SUCLG2: variants seen among roughly 807,000 people sequenced by gnomAD.
SUCLG2 encodes succinate-CoA ligase GDP-forming subunit beta, also known as succinate--CoA ligase [GDP-forming] subunit beta, mitochondrial.
Under a neutral mutation model 47.9 loss-of-function variants are expected in SUCLG2, and 42 were observed. The observed-to-expected ratio is 0.88, with a 90% CI of 0.69 to 1.14. The LOEUF is 1.14. Ranked by LOEUF, SUCLG2 falls within the 50% of genes most tolerant of loss-of-function variation. The pLI is 0.00. For missense variants in SUCLG2, 571 were observed against 525.9 expected, an observed-to-expected ratio of 1.09 and a Z score of -0.84; for synonymous variants, 195 against 197.3, an observed-to-expected ratio of 0.99 and a Z score of 0.10.
chr3:67,441,312 A>G (rs1703758419), intron 9 of SUCLG2, among the ~76,000 whole-genome samples: 1 of 151,414 alleles, frequency 6.6e-6, no homozygotes, highest in East Asian at 2.0e-4. Flanking sequence ...CCACCATGGC[A>G]TGTGTATAAC....
chr3:67,529,263 A>C, intron 2 of SUCLG2, 77 bp from the exon 3 acceptor site: 1 of 1,096,982 alleles, frequency 9.1e-7, no homozygotes, highest in Non-Finnish European at 1.3e-6. Flanking sequence ...GAAAGCAATA[A>C]TGGCACATAA....
chr3:67,369,596 C>G (rs1701924073), intron 10 of SUCLG2, among the ~76,000 whole-genome samples: 1 of 152,176 alleles, frequency 6.6e-6, no homozygotes, highest in Non-Finnish European at 1.5e-5. Context: ...TGGATGGGAG[C>G]CGTTCCGCTG....
At chr3:67,549,641 T>A (rs1041220887) in intron 2 of SUCLG2, among the ~76,000 whole-genome samples, 1 of 152,200 alleles carries the variant, frequency 6.6e-6, no homozygotes, top group Admixed American at 6.5e-5. Flanking sequence ...AGAAAAACTA[T>A]TTTCAAATTT....
chr3:67,396,889 A>T (rs1177395517), intron 10 of SUCLG2, among the ~76,000 whole-genome samples: 2 of 152,212 alleles, frequency 1.3e-5, no homozygotes, highest in Non-Finnish European at 2.9e-5. Flanking sequence ...AATAAATGTA[A>T]TCCAGCATAT....
intron 2 of SUCLG2, among the ~76,000 whole-genome samples, chr3:67,600,263 A>C (rs998339580): frequency 2.0e-5 from 3 of 152,208 alleles, no homozygotes; most frequent in African/African-American, 7.2e-5. Context: ...TTTTATTTTT[A>C]TCTGCTGTTG....
intron 1 of SUCLG2, among the ~76,000 whole-genome samples, chr3:67,634,068 C>T (rs367719550): frequency 3.9e-5 from 6 of 152,166 alleles, no homozygotes; most frequent in East Asian, 3.9e-4. Flanking sequence ...AACATCATGT[C>T]CCCACTGTAG....
intron 1 of SUCLG2, among the ~76,000 whole-genome samples, chr3:67,638,499 T>C (rs1701045400): frequency 6.6e-6 from 1 of 152,196 alleles, no homozygotes; most frequent in Non-Finnish European, 1.5e-5. Flanking sequence ...TTCTTTTGCC[T>C]TACCTAGGAG....
intron 9 of SUCLG2, among the ~76,000 whole-genome samples, chr3:67,469,000 C>T (rs765565648): frequency 7.2e-5 from 11 of 152,144 alleles, no homozygotes; most frequent in Non-Finnish European, 1.3e-4. Context: ...CAGCTAAGAC[C>T]TGAAGAGTAA....
At chr3:67,366,346 A>G (rs1701875181) in intron 10 of SUCLG2, among the ~76,000 whole-genome samples, 1 of 152,128 alleles carries the variant, frequency 6.6e-6, no homozygotes, top group South Asian at 2.1e-4. Flanking sequence ...TCCATCTCAA[A>G]AAACAAAACA....
At chr3:67,369,300 A>G (rs992281412) in intron 10 of SUCLG2, among the ~76,000 whole-genome samples, 123 of 152,212 alleles carry the variant, frequency 8.1e-4, no homozygotes, top group African/African-American at 2.8e-3. Flanking sequence ...TTTGTCTATT[A>G]TGGGTGGTGC....
intron 10 of SUCLG2, among the ~76,000 whole-genome samples, chr3:67,383,782 C>T (rs966274131): frequency 6.6e-6 from 1 of 152,018 alleles, no homozygotes; most frequent in Non-Finnish European, 1.5e-5. Flanking sequence ...GATACTAAAC[C>T]AAAGTTAAAG....
At chr3:67,431,553 C>T (rs2106886678) in intron 9 of SUCLG2, among the ~76,000 whole-genome samples, 1 of 152,242 alleles carries the variant, frequency 6.6e-6, no homozygotes, top group Non-Finnish European at 1.5e-5. Flanking sequence ...GAATACTATG[C>T]AGCCATAAAA....
intron 9 of SUCLG2, among the ~76,000 whole-genome samples, chr3:67,403,257 C>T (rs1184811917): frequency 2.6e-5 from 4 of 152,186 alleles, no homozygotes; most frequent in African/African-American, 9.7e-5. Flanking sequence ...CTCCAATGTA[C>T]TTTATTCTCC....
Position 67,375,692 on chromosome 3 carries a change from C to G in SUCLG2, c.*52G>C. The G allele has an allele frequency of 6.4e-7, 1 of 1,560,124 alleles. No homozygotes were observed. The highest frequency in any genetic ancestry group is 8.7e-7 in the Non-Finnish European group (1 of 1,151,592). ...CATTTCTTTCACAATGATGAACCAT[C>G]CCTTTTTACGGAAAAATGGCTTTCT... On this transcript the variant is annotated 3_prime_UTR_variant, in exon 11 of 11. Transcript: ENST00000307227.
intron 2 of SUCLG2, among the ~76,000 whole-genome samples, chr3:67,583,467 G>C (rs906138839): frequency 6.6e-6 from 1 of 152,184 alleles, no homozygotes; most frequent in Non-Finnish European, 1.5e-5. Context: ...CAATTTCACT[G>C]CTGGGGATCT....
chr3:67,644,423 G>A (rs1701156683), intron 1 of SUCLG2, among the ~76,000 whole-genome samples: 1 of 152,118 alleles, frequency 6.6e-6, no homozygotes, highest in African/African-American at 2.4e-5. Flanking sequence ...AAGGTTCCTA[G>A]AGTAGGCAAA....
At chr3:67,414,533 A>G (rs1301415318) in intron 9 of SUCLG2, among the ~76,000 whole-genome samples, 1 of 152,256 alleles carries the variant, frequency 6.6e-6, no homozygotes, top group Non-Finnish European at 1.5e-5. Context: ...CTGACATACC[A>G]GCAAGGACAT....
rs1166810282 is a variant in SUCLG2 at position 67,449,736 on chromosome 3, CCT to C, written c.1062+46060_1062+46061del. Among the ~76,000 whole-genome samples the C allele has an allele frequency of 4.0e-5, 6 of 151,696 alleles. No homozygotes were observed. In the East Asian group the frequency reaches 7.9e-4, roughly 20 times the overall value. Reference sequence around the variant, plus strand: ...TTCAAGCAATCCTCACGCTCAGCCCCCTGAGTAGCTGGGACTACAGGTGTGTG... The same window carrying C: ...TTCAAGCAATCCTCACGCTCAGCCCCGAGTAGCTGGGACTACAGGTGTGTG... On this transcript the variant is annotated intron_variant, in intron 9 of 10. Transcript: ENST00000307227.
At chr3:67,581,612 A>C (rs1447621603) in intron 2 of SUCLG2, among the ~76,000 whole-genome samples, 1 of 152,216 alleles carries the variant, frequency 6.6e-6, no homozygotes, top group Non-Finnish European at 1.5e-5. Context: ...GAACTTTTCA[A>C]GCTCAAAATC....
Sources: gnomAD v4.1 joint callset for allele counts (sites outside exome capture counted in the v4.1 genomes callset) on GRCh38, gnomAD v4.1.1 for gene constraint, MANE v1.5 for transcripts, NCBI Gene and HGNC (gene_info 2026-07-23, HGNC 2026-07-21) for gene names.